FAT3: variants seen among roughly 807,000 people sequenced by gnomAD.
FAT3 encodes the protein protocadherin Fat 3.
A neutral mutation model predicts 310.2 loss-of-function variants in FAT3; 95 were observed. The ratio of observed to expected loss-of-function variants is 0.31; its 90% confidence interval spans 0.26 to 0.36. The LOEUF (loss-of-function observed/expected upper bound fraction) is 0.36, where lower values mean the gene tolerates loss of function less well. Among genes scored for constraint, FAT3 ranks in the 10% least tolerant of loss-of-function variants. The probability of loss-of-function intolerance (pLI) is 1.00; values close to 1 mark genes in which losing one functional copy is unlikely to be tolerated. For synonymous variants in FAT3, 2,314 were observed against 2,192.9 expected (o/e 1.06, Z -1.54); for missense variants, 5,408 against 5,715.6 (o/e 0.95, Z 1.74).
At chr11:92,527,715 A>C (rs1034273991) in intron 3 of FAT3, among the ~76,000 whole-genome samples, 1 of 151,974 alleles carries the variant, frequency 6.6e-6, no homozygotes, top group East Asian at 1.9e-4. Context: ...TAGAAGTCTT[A>C]ATTTTTGGCA....
chr11:92,588,397 T>C (rs1415990920), intron 3 of FAT3, among the ~76,000 whole-genome samples: 1 of 152,040 alleles, frequency 6.6e-6, no homozygotes, highest in Non-Finnish European at 1.5e-5. Flanking sequence ...TGTAACAGAA[T>C]GTACTATTAT....
Position 92,713,990 on chromosome 11 carries a change from T to A in FAT3, c.3669+16545T>A, listed in dbSNP as rs145989985. Among the ~76,000 whole-genome samples, 1,330 of 148,436 alleles carry A rather than the reference T, an allele frequency of 9.0e-3. 30 individuals carry two copies. The highest frequency in any genetic ancestry group is 0.032 in the African/African-American group (1,267 of 39,250). Reference sequence around the variant, plus strand: ...ACTACCTTCAAATCAAATAAAAGCATAAAGAACCTTGAGGATACTTTTGAA... The same window carrying A: ...ACTACCTTCAAATCAAATAAAAGCAAAAAGAACCTTGAGGATACTTTTGAA... On this transcript the variant is annotated intron_variant, in intron 4 of 27. Transcript: ENST00000525166.
At position 92,603,057 on chromosome 11, in the gene FAT3, A is replaced by C. The variant is rs115243547; in HGVS notation, c.3607+78109A>C. Among the ~76,000 whole-genome samples the C allele has an allele frequency of 7.1e-3, 1,078 of 152,326 alleles. 14 individuals are homozygous for C. Among genetic ancestry groups the C allele is most frequent in the African/African-American group, 0.024 (1,016 of 41,568 alleles). ...TGCATACTGTGAGATAGGGTGATAAATCATTTAACCCAAACTTTACTAATC... is the reference window on the plus strand; with the variant it reads ...TGCATACTGTGAGATAGGGTGATAACTCATTTAACCCAAACTTTACTAATC... On this transcript the variant is annotated intron_variant, in intron 3 of 27. Coordinates refer to ENST00000525166, the MANE Select transcript of FAT3 (RefSeq NM_001367949.2).
Position 92,834,926 on chromosome 11 carries a change from G to C in FAT3, c.9928G>C (p.Val3310Leu). Residue 3310 changes from valine to leucine, a missense_variant, in exon 15 of 28, where the codon GTA becomes CTA. Physicochemically the swap from Val to Leu is conservative, Grantham distance 32. Around this residue, in one of 5 missense-constraint regions of FAT3, gnomAD observed 4,588 missense variants for 4,809.8 expected, o/e 0.95. Transcript: ENST00000525166. ...DYELCKRFYL[V>L]VEAKDGGTPA... The stretch of plus-strand genomic sequence containing the variant: ...TGAATTATGCAAAAGGTTTTACCTG[G>C]TAGTGGAAGCCAAAGATGGGGGCAC... 1 of 1,613,076 alleles carries C rather than the reference G, an allele frequency of 6.2e-7. No homozygotes were observed. The highest frequency in any genetic ancestry group is 8.5e-7 in the Non-Finnish European group (1 of 1,179,520).
At chr11:92,487,558 G>A (rs916115567) in intron 2 of FAT3, among the ~76,000 whole-genome samples, 3 of 151,996 alleles carry the variant, frequency 2.0e-5, no homozygotes, top group Non-Finnish European at 2.9e-5. Flanking sequence ...TTTAACTCTC[G>A]CAACAACCCT....
In FAT3 at chr11:92,738,611, C is replaced by G. The variant is rs1399942924; in HGVS notation, c.3670-23245C>G. 2.6e-5 allele frequency among the ~76,000 whole-genome samples: 4 copies of G among 152,304 alleles called. No homozygotes were observed. In the East Asian group the frequency reaches 7.7e-4, roughly 29 times the overall value. ...TAGTACAGATCAGGAATAGTGAATT[C>G]AAAGTACTCTGATATAAACAATACG... On this transcript the variant is annotated intron_variant, in intron 4 of 27. Coordinates refer to ENST00000525166, the MANE Select transcript of FAT3 (RefSeq NM_001367949.2).
rs148136177 is a variant in FAT3, at chr11:92,746,715, A to G, written c.3670-15141A>G. On this transcript the variant is annotated intron_variant, in intron 4 of 27. Coordinates refer to ENST00000525166, the MANE Select transcript of FAT3 (RefSeq NM_001367949.2). ...GCAAGTTAGCTACTTCCCAGATACA[A>G]TGGGGGTACAGGTATTAGGTAAATA... Among the ~76,000 whole-genome samples, 1,289 of 152,320 alleles carry G rather than the reference A, an allele frequency of 8.5e-3. 15 individuals carry two copies. The highest frequency in any genetic ancestry group is 0.029 in the African/African-American group (1,220 of 41,556).
intron 2 of FAT3, among the ~76,000 whole-genome samples, chr11:92,480,745 G>A (rs1952201388): frequency 6.6e-6 from 1 of 152,176 alleles, no homozygotes; most frequent in Non-Finnish European, 1.5e-5. Context: ...TTAGTTATAA[G>A]CATTGGGGAG....
intron 3 of FAT3, among the ~76,000 whole-genome samples, chr11:92,529,305 G>A (rs1444354322): frequency 6.6e-6 from 1 of 152,142 alleles, no homozygotes; most frequent in South Asian, 2.1e-4. Context: ...ACCTGAAGGG[G>A]GCCTGAAGAA....
rs894138827 is a variant in FAT3 at position 92,675,716 on chromosome 11, A to G, written c.3608-21668A>G. Among the ~76,000 whole-genome samples the G allele has an allele frequency of 2.0e-5, 3 of 152,220 alleles. No individual in the cohort carries two copies. In the South Asian group the frequency reaches 6.2e-4, roughly 32 times the overall value. Reference sequence around the variant, plus strand: ...CCTCCATTTGAGGTGCGTTTATCTTACAAGAACTTGGGTCAAATTGAACTT... The same window carrying G: ...CCTCCATTTGAGGTGCGTTTATCTTGCAAGAACTTGGGTCAAATTGAACTT... On this transcript the variant is annotated intron_variant, in intron 3 of 27. Transcript: ENST00000525166.
chr11:92,481,390 A>T (rs967456019), intron 2 of FAT3, among the ~76,000 whole-genome samples: 6 of 152,244 alleles, frequency 3.9e-5, no homozygotes, highest in African/African-American at 1.4e-4. Flanking sequence ...AAAAAAAACT[A>T]TTCAGGATAA....
At chr11:92,838,506 A>G (rs910794978) in intron 17 of FAT3, among the ~76,000 whole-genome samples, 1 of 152,164 alleles carries the variant, frequency 6.6e-6, no homozygotes, top group Non-Finnish European at 1.5e-5. Context: ...ACTTCTCAGT[A>G]TTTCTAGGAG....
chr11:92,512,690 G>A (rs1953338843), intron 2 of FAT3, among the ~76,000 whole-genome samples: 1 of 150,452 alleles, frequency 6.6e-6, no homozygotes, highest in South Asian at 2.1e-4. Flanking sequence ...TGTTGGCTTG[G>A]TGGCATGGAA....
intron 23 of FAT3, among the ~76,000 whole-genome samples, chr11:92,882,171 T>A (rs1319985852): frequency 2.0e-5 from 3 of 152,228 alleles, no homozygotes; most frequent in African/African-American, 7.2e-5. Flanking sequence ...CAAAACTGTT[T>A]TGAGGCTCTT....
intron 3 of FAT3, among the ~76,000 whole-genome samples, chr11:92,538,820 T>C (rs183704191): frequency 6.6e-6 from 1 of 152,110 alleles, no homozygotes; most frequent in East Asian, 1.9e-4. Flanking sequence ...TTATGGGACC[T>C]TTTTTTCTGG....
intron 1 of FAT3, among the ~76,000 whole-genome samples, chr11:92,318,849 G>A (rs1437680199): frequency 6.6e-6 from 1 of 152,182 alleles, no homozygotes; most frequent in African/African-American, 2.4e-5. Context: ...TTGGTAGATG[G>A]TACAGGCAGA....
chr11:92,444,216 T>C (rs1226510148), intron 2 of FAT3, among the ~76,000 whole-genome samples: 1 of 151,974 alleles, frequency 6.6e-6, no homozygotes, highest in Non-Finnish European at 1.5e-5. Context: ...CAAAGGCGAG[T>C]CATTTCCAGT....
intron 3 of FAT3, among the ~76,000 whole-genome samples, chr11:92,615,507 G>A (rs555498): frequency 0.57 from 87,134 of 152,054 alleles, 26,718 homozygotes; most frequent in African/African-American, 0.8. Flanking sequence ...TCAGCCTCCC[G>A]AAGTGCTGGG....
At chr11:92,626,422 A>AT (rs1565468232) in intron 3 of FAT3, among the ~76,000 whole-genome samples, 1 of 151,746 alleles carries the variant, frequency 6.6e-6, no homozygotes, top group East Asian at 1.9e-4. Flanking sequence ...CAGAAAGACT[A>AT]TTTTTTTAGA....
Sources: gnomAD v4.1 joint callset for allele counts (sites outside exome capture counted in the v4.1 genomes callset) on GRCh38, gnomAD v4.1.1 for gene constraint, gnomAD v4.1.1 regional missense constraint, MANE v1.5 for transcripts, NCBI Gene and HGNC (gene_info 2026-07-23, HGNC 2026-07-21) for gene names.